Variants in NIPA1 observed in about 807,000 individuals in gnomAD.
NIPA1 encodes magnesium transporter NIPA1.
A neutral mutation model predicts 23.9 loss-of-function variants in NIPA1; 13 were observed. The observed-to-expected ratio is 0.54, with a 90% CI of 0.35 to 0.87. NIPA1 has a LOEUF of 0.87. Ranked by LOEUF, NIPA1 falls within the 40% of genes least tolerant of loss-of-function variation. The pLI, the probability that NIPA1 is intolerant of heterozygous loss-of-function variation, is 0.01. For synonymous variants in NIPA1, 234 were observed against 202.9 expected (o/e 1.15, Z -1.30); for missense variants, 362 against 429.7 (o/e 0.84, Z 1.39).
chr15:22,814,107 T>C, intron 3 of NIPA1: 1 of 1,278,258 alleles, frequency 7.8e-7, no homozygotes, highest in Non-Finnish European at 1.0e-6. Flanking sequence ...AGGAACCATG[T>C]CAGATGGTGT....
chr15:22,800,946 A>G (rs200077171), intron 1 of NIPA1, among the ~76,000 whole-genome samples: 29 of 11,276 alleles, frequency 2.6e-3, no homozygotes, highest in African/African-American at 0.02. Flanking sequence ...AAAAAAAAGA[A>G]AAAAAAAAAA....
At position 22,827,731 on chromosome 15, in the gene NIPA1, C is replaced by T. The variant is rs1459043880; in HGVS notation, c.*3492C>T. On this transcript the variant is annotated 3_prime_UTR_variant, in exon 5 of 5. Transcript: ENST00000337435. Reference sequence around the variant, plus strand: ...TCACTTGTGCAGTCGTCTTATTTTCCTTCTTCCTAGATGACTCAGCTCTTT... The same window carrying T: ...TCACTTGTGCAGTCGTCTTATTTTCTTTCTTCCTAGATGACTCAGCTCTTT... 2.0e-5 allele frequency: 3 copies of T among 152,072 alleles called. No homozygotes were observed. The highest frequency in any genetic ancestry group is 7.2e-5 in the African/African-American group (3 of 41,382). 9.4% of individuals were successfully genotyped at this position (152,072 alleles called of 1,614,324 possible).
Position 22,824,417 on chromosome 15 carries a change from C to T in NIPA1, c.*178C>T, listed in dbSNP as rs1895608619. The T allele has an allele frequency of 1.6e-6, 1 of 640,018 alleles. No individual in the cohort carries two copies. The highest frequency in any genetic ancestry group is 1.8e-5 in the African/African-American group (1 of 55,248). 39.6% of individuals were successfully genotyped at this position (640,018 alleles called of 1,614,324 possible). On this transcript the variant is annotated 3_prime_UTR_variant, in exon 5 of 5. Transcript: ENST00000337435. This position sits in a 1 kb window ranked among gnomAD's most constrained non-coding sequence, Gnocchi z 4.1. ...GCACCAGAGCAGAGGCCCAGCCAGC[C>T]CTCTGCAGCCCAAACGTCCCCAACG...
chr15:22,788,842 C>A lies in NIPA1; in HGVS notation c.178+2008C>A, dbSNP rs189534475. ...GCTGAGGCAGGAGAATTGCTTGAAC[C>A]CAGGAGGGGGAGGTTGCAGTGAGCC... On this transcript the variant is annotated intron_variant, in intron 1 of 4. Coordinates refer to ENST00000337435, the MANE Select transcript of NIPA1 (RefSeq NM_144599.5). 7.4e-3 allele frequency among the ~76,000 whole-genome samples: 1,001 copies of A among 136,046 alleles called. 6 individuals carry two copies. Among genetic ancestry groups the A allele is most frequent in the African/African-American group, 0.026 (936 of 36,576 alleles). The allele number at this position is 136,046 out of a possible 152,430, so 89.3% of individuals were successfully genotyped here. A position where few individuals can be genotyped will look rare whatever the true frequency, so the allele number is the denominator to read the frequency against.
chr15:22,800,672 TA>T (rs1158907366), intron 1 of NIPA1, among the ~76,000 whole-genome samples: 1 of 152,074 alleles, frequency 6.6e-6, no homozygotes, highest in Non-Finnish European at 1.5e-5. Flanking sequence ...CTCACGCCTG[TA>T]ATCCCAGCAC....
In NIPA1 at chr15:22,826,057, C is replaced by T. The variant is rs1266553505; in HGVS notation, c.*1818C>T. On this transcript the variant is annotated 3_prime_UTR_variant, in exon 5 of 5. Coordinates refer to ENST00000337435, the MANE Select transcript of NIPA1 (RefSeq NM_144599.5). Reference sequence around the variant, plus strand: ...GTAGAACATAAAATTGAATAGTACCCAATTAAAGTTCCTCAGTAAGAAAAA... The same window carrying T: ...GTAGAACATAAAATTGAATAGTACCTAATTAAAGTTCCTCAGTAAGAAAAA... The T allele has an allele frequency of 1.3e-5, 2 of 150,002 alleles. No homozygotes were observed. Among genetic ancestry groups the T allele is most frequent in the Non-Finnish European group, 3.0e-5 (2 of 67,454 alleles). The allele number at this position is 150,002 out of a possible 1,614,324, so 9.3% of individuals were successfully genotyped here. A position where few individuals can be genotyped will look rare whatever the true frequency, so the allele number is the denominator to read the frequency against.
chr15:22,794,697 G>T (rs988017738), intron 1 of NIPA1, among the ~76,000 whole-genome samples: 1 of 151,982 alleles, frequency 6.6e-6, no homozygotes, highest in South Asian at 2.1e-4. Flanking sequence ...ACTGGCTCTG[G>T]GGTGGATGTA....
At chr15:22,814,856 A>G (rs973127752) in intron 3 of NIPA1, among the ~76,000 whole-genome samples, 10 of 152,182 alleles carry the variant, frequency 6.6e-5, no homozygotes, top group African/African-American at 2.4e-4. Context: ...CTCATCATAC[A>G]CTTTCTCTGT....
Position 22,829,730 on chromosome 15 carries a change from T to C in NIPA1, c.*5491T>C, listed in dbSNP as rs998212780. The C allele has an allele frequency of 2.0e-5, 3 of 152,210 alleles. No homozygotes were observed. Among genetic ancestry groups the C allele is most frequent in the Admixed American group, 6.5e-5 (1 of 15,280 alleles). 9.4% of individuals were successfully genotyped at this position (152,210 alleles called of 1,614,324 possible). A position where few individuals can be genotyped will look rare whatever the true frequency, so the allele number is the denominator to read the frequency against. ...TGTAAATAAAAAGGCTATTAAGTTT[T>C]CCAGTAATATTTATTAATCTGTATG... On this transcript the variant is annotated 3_prime_UTR_variant, in exon 5 of 5. Transcript: ENST00000337435.
chr15:22,793,082 G>T lies in NIPA1; in HGVS notation c.178+6248G>T, dbSNP rs1310284464. On this transcript the variant is annotated intron_variant, in intron 1 of 4. Transcript: ENST00000337435. ...TCTCAAAAATCCCGGGCGTGCGGTG[G>T]CTCATGCCTATAATCACAGCACTTT... 2.0e-5 allele frequency among the ~76,000 whole-genome samples: 3 copies of T among 151,576 alleles called. No homozygotes were observed. In the East Asian group the frequency reaches 5.9e-4, roughly 30 times the overall value.
chr15:22,786,779 G>T lies in NIPA1; in HGVS notation c.123G>T (p.Val41=). The T allele has an allele frequency of 1.5e-6, 2 of 1,318,552 alleles. No individual in the cohort carries two copies. Among genetic ancestry groups the T allele is most frequent in the Non-Finnish European group, 2.0e-6 (2 of 1,012,684 alleles). 81.7% of individuals were successfully genotyped at this position (1,318,552 alleles called of 1,614,324 possible). A position where few individuals can be genotyped will look rare whatever the true frequency, so the allele number is the denominator to read the frequency against. The change falls in exon 1 of 5, where the codon GTG becomes GTT. Residue 41 remains valine, a synonymous_variant. Coordinates refer to ENST00000337435, the MANE Select transcript of NIPA1 (RefSeq NM_144599.5). ...GLGVAVVSSL[V]NGSTFVLQKK... Reference sequence around the variant, plus strand: ...GCGTGGCCGTCGTGTCGAGCCTGGTGAACGGGTCCACGTTCGTGCTACAGA... The same window carrying T: ...GCGTGGCCGTCGTGTCGAGCCTGGTTAACGGGTCCACGTTCGTGCTACAGA...
chr15:22,811,942 A>T (rs1322565351), intron 2 of NIPA1, among the ~76,000 whole-genome samples: 1 of 152,222 alleles, frequency 6.6e-6, no homozygotes, highest in Non-Finnish European at 1.5e-5. Context: ...CGGCATTTCC[A>T]TGGAGGGCTG....
intron 1 of NIPA1, among the ~76,000 whole-genome samples, chr15:22,807,367 G>A (rs1895230894): frequency 6.6e-6 from 1 of 152,148 alleles, no homozygotes; most frequent in Admixed American, 6.6e-5. Flanking sequence ...ACACAGTCCA[G>A]CTGCTGTAGC....
rs1215767199 is a variant in NIPA1 at position 22,815,306 on chromosome 15, C to G, written c.317+3053C>G. On this transcript the variant is annotated intron_variant, in intron 3 of 4. Coordinates refer to ENST00000337435, the MANE Select transcript of NIPA1 (RefSeq NM_144599.5). ...CAATTCTGACAATTGACCTGTTATGCCATTATTTTATGTCATTATCTTTTA... is the reference window on the plus strand; with the variant it reads ...CAATTCTGACAATTGACCTGTTATGGCATTATTTTATGTCATTATCTTTTA... Among the ~76,000 whole-genome samples the G allele has an allele frequency of 3.3e-5, 5 of 152,068 alleles. No homozygotes were observed. The East Asian group carries it at 7.7e-4, about 23-fold the overall frequency.
intron 3 of NIPA1, among the ~76,000 whole-genome samples, chr15:22,812,964 C>T (rs558102416): frequency 6.6e-6 from 1 of 152,268 alleles, no homozygotes; most frequent in South Asian, 2.1e-4. Context: ...GGACAGTCCC[C>T]ACCTCAGCCC....
At chr15:22,819,576 GCC>G (rs1895494333) in intron 3 of NIPA1, among the ~76,000 whole-genome samples, 2 of 152,092 alleles carry the variant, frequency 1.3e-5, no homozygotes, top group Non-Finnish European at 2.9e-5. Context: ...AGAGGAAATA[GCC>G]ACCCCATACT....
At chr15:22,803,503 C>CTTTTTTTTTT (rs35223839) in intron 1 of NIPA1, among the ~76,000 whole-genome samples, 2 of 69,362 alleles carry the variant, frequency 2.9e-5, no homozygotes, top group East Asian at 4.7e-4. Context: ...TTAAAAGTGC[C>CTTTTTTTTTT]TTTTTTTTTT....
At chr15:22,788,234 G>C (rs750055650) in intron 1 of NIPA1, among the ~76,000 whole-genome samples, 6 of 152,110 alleles carry the variant, frequency 3.9e-5, no homozygotes, top group Non-Finnish European at 8.8e-5. Flanking sequence ...GGGCGCGGTG[G>C]CTGGTGCCTG....
At position 22,786,822 on chromosome 15, in the gene NIPA1, G is replaced by A; in HGVS notation, c.166G>A (p.Ala56Thr). The A allele has an allele frequency of 4.1e-6, 5 of 1,215,600 alleles. No homozygotes were observed. The highest frequency in any genetic ancestry group is 4.2e-6 in the Non-Finnish European group (4 of 954,436). 75.3% of individuals were successfully genotyped at this position (1,215,600 alleles called of 1,614,324 possible). ...FVLQKKGIVR[A>T]KRRGTSYLTD... ...GCTACAGAAGAAGGGCATCGTGCGT[G>A]CCAAGCGGCGAGGTAGGGCGGGCGG... is the stretch of plus-strand genomic sequence containing the variant. Residue 56 changes from alanine (A) to threonine (T), a missense_variant, in exon 1 of 5, where the codon GCC becomes ACC. By Grantham distance (58) the Ala-to-Thr change is moderately conservative (BLOSUM62 0). Around this residue, in one of 2 missense-constraint regions of NIPA1, gnomAD observed 277 missense variants for 372.0 expected, o/e 0.74. Coordinates refer to ENST00000337435, the MANE Select transcript of NIPA1 (RefSeq NM_144599.5).
Sources: allele counts gnomAD v4.1 joint callset (sites outside exome capture counted in the v4.1 genomes callset), GRCh38; gene constraint gnomAD v4.1.1; regional missense constraint gnomAD v4.1.1; non-coding constraint Gnocchi (gnomAD v3.1); transcripts MANE v1.5; gene names NCBI Gene and HGNC (gene_info 2026-07-23, HGNC 2026-07-21).